PSME4: variants seen among roughly 807,000 people sequenced by gnomAD.
PSME4 encodes proteasome activator complex subunit 4.
A neutral mutation model predicts 253.9 loss-of-function variants in PSME4; 89 were observed. The observed-to-expected ratio is 0.35, with a 90% CI of 0.30 to 0.42. The LOEUF is 0.42. PSME4 is among the 10% of genes least tolerant of loss of function. The pLI, the probability that PSME4 is intolerant of heterozygous loss-of-function variation, is 1.00. For synonymous variants in PSME4, 851 were observed against 759.2 expected, an observed-to-expected ratio of 1.12 and a Z score of -1.99; for missense variants, 2,014 against 2,195.2, an observed-to-expected ratio of 0.92 and a Z score of 1.65.
In PSME4 at chr2:53,936,096, A is replaced by T; in HGVS notation, c.825T>A (p.Tyr275Ter). The change falls in exon 7 of 47, where the codon TAT (tyrosine) becomes TAA (stop). Residue 275 changes from tyrosine to a stop codon, truncating the protein, a stop_gained. Coordinates refer to ENST00000404125, the MANE Select transcript of PSME4 (RefSeq NM_014614.3). LOFTEE classifies it high-confidence loss of function. Reference sequence around the variant, plus strand: ...CCAAAATGTTAATTACCTTTGGTACATATGGATCCCAATCTATGTACCCTA... The same window carrying T: ...CCAAAATGTTAATTACCTTTGGTACTTATGGATCCCAATCTATGTACCCTA... The part of the protein sequence containing the change: ...DNIGYIDWDP[Y>*]VPKIFTRILR... 1.2e-6 allele frequency: 2 copies of T among 1,612,794 alleles called. No homozygotes were observed. Among genetic ancestry groups the T allele is most frequent in the Non-Finnish European group, 1.7e-6 (2 of 1,179,274 alleles).
intron 20 of PSME4, among the ~76,000 whole-genome samples, chr2:53,910,890 TC>T (rs1000236947): frequency 6.6e-6 from 1 of 152,108 alleles, no homozygotes; most frequent in Non-Finnish European, 1.5e-5. Context: ...CTTTTATTAA[TC>T]AAAGAGATAC....
chr2:53,905,989 G>A (rs972782349), intron 26 of PSME4, among the ~76,000 whole-genome samples: 6 of 152,218 alleles, frequency 3.9e-5, no homozygotes, highest in Non-Finnish European at 8.8e-5. Flanking sequence ...CATCATGTTG[G>A]TGCTCAAAAA....
At chr2:53,898,509 A>C (rs1680244068) in intron 29 of PSME4, among the ~76,000 whole-genome samples, 155 bp from the exon 30 acceptor site, 4 of 152,166 alleles carry the variant, frequency 2.6e-5, no homozygotes, top group Admixed American at 1.3e-4. Flanking sequence ...AGCCAGAATG[A>C]AAGTAGACAG....
Position 53,970,773 on chromosome 2 carries a change from G to T in PSME4, c.12C>A (p.Ala4=). The change falls in exon 1 of 47, where the codon GCC becomes GCA. Residue 4 remains alanine, a synonymous_variant. Coordinates refer to ENST00000404125, the MANE Select transcript of PSME4 (RefSeq NM_014614.3). Reference sequence around the variant, plus strand: ...GGGGCTCTCCGACTCCCGCCCGCTCGGCCGGCTCCATGAGCCCAGGGACAC... The same window carrying T: ...GGGGCTCTCCGACTCCCGCCCGCTCTGCCGGCTCCATGAGCCCAGGGACAC... MEP[A]ERAGVGEPPE... The T allele has an allele frequency of 1.3e-6, 2 of 1,541,486 alleles. No homozygotes were observed. The highest frequency in any genetic ancestry group is 2.0e-5 in the Admixed American group (1 of 50,380).
At chr2:53,932,796 C>T (rs1329899085) in intron 8 of PSME4, 36 bp from the exon 9 acceptor site, 13 of 1,516,894 alleles carry the variant, frequency 8.6e-6, no homozygotes, top group Non-Finnish European at 1.0e-5. Flanking sequence ...TCAGTACCCA[C>T]ATCATACTGT....
chr2:53,940,940 AATATATATATACATATATATATATATAT>A (rs1669383470), intron 3 of PSME4, among the ~76,000 whole-genome samples: 1 of 51,314 alleles, frequency 1.9e-5, no homozygotes, highest in African/African-American at 1.0e-4. Context: ...TACATATATA[AATATATATATACATATATATATATATAT>A]ATATATATAT....
chr2:53,911,619 T>C (rs906870965), intron 20 of PSME4, among the ~76,000 whole-genome samples: 1 of 151,154 alleles, frequency 6.6e-6, no homozygotes, highest in Non-Finnish European at 1.5e-5. Flanking sequence ...GCAGGGGAAG[T>C]GCTTGCTATG....
intron 4 of PSME4, among the ~76,000 whole-genome samples, chr2:53,939,326 C>T (rs915078234): frequency 1.3e-5 from 2 of 151,742 alleles, no homozygotes; most frequent in Admixed American, 6.6e-5. Flanking sequence ...GATAACAACA[C>T]AAAAAAAGTT....
In PSME4 at chr2:53,898,385, T is replaced by C. The variant is rs773622768; in HGVS notation, c.3423-31A>G. On this transcript the variant is annotated intron_variant, in intron 29 of 46. Coordinates refer to ENST00000404125, the MANE Select transcript of PSME4 (RefSeq NM_014614.3). ...AAAAAAAGGTGAGGTATTATTTTACTATAATACTAAAATGAACATCAAAAA... is the reference window on the plus strand; with the variant it reads ...AAAAAAAGGTGAGGTATTATTTTACCATAATACTAAAATGAACATCAAAAA... The C allele has an allele frequency of 2.7e-6, 4 of 1,464,172 alleles. No homozygotes were observed. In the South Asian group the frequency reaches 3.7e-5, roughly 14 times the overall value. The allele number at this position is 1,464,172 out of a possible 1,614,324, so 90.7% of individuals were successfully genotyped here.
At chr2:53,923,706 T>TG (rs1668428076) in intron 14 of PSME4, among the ~76,000 whole-genome samples, 1 of 152,036 alleles carries the variant, frequency 6.6e-6, no homozygotes, top group African/African-American at 2.4e-5. Flanking sequence ...GAGCATCACT[T>TG]GACATCAGGA....
At chr2:53,914,855 T>TG (rs1432751245) in intron 20 of PSME4, among the ~76,000 whole-genome samples, 1 of 152,194 alleles carries the variant, frequency 6.6e-6, no homozygotes, top group Non-Finnish European at 1.5e-5. Context: ...CACTCCAGCC[T>TG]GGGCAACGAG....
chr2:53,924,676 AG>A (rs1444129724), intron 14 of PSME4, among the ~76,000 whole-genome samples: 1 of 152,122 alleles, frequency 6.6e-6, no homozygotes, highest in African/African-American at 2.4e-5. Flanking sequence ...CACAACATGC[AG>A]GTTTGTTACA....
intron 31 of PSME4, 109 bp from the exon 32 acceptor site, chr2:53,896,994 T>A (rs532749437): frequency 2.5e-6 from 2 of 805,924 alleles, no homozygotes; most frequent in South Asian, 1.5e-5. Context: ...AAAAAACACC[T>A]CGCCTATCGA....
At chr2:53,932,956 T>G in intron 8 of PSME4, 196 bp from the exon 9 acceptor site, 1 of 524,724 alleles carries the variant, frequency 1.9e-6, no homozygotes. Flanking sequence ...AATATTCTAC[T>G]GCAAATAAGG....
intron 1 of PSME4, among the ~76,000 whole-genome samples, chr2:53,966,305 T>A (rs1333584918): frequency 6.6e-6 from 1 of 151,920 alleles, no homozygotes; most frequent in East Asian, 1.9e-4. Flanking sequence ...AAATAAAAAA[T>A]AAAACACTCC....
chr2:53,869,270 A>G, intron 44 of PSME4, 106 bp downstream of exon 44: 1 of 1,163,010 alleles, frequency 8.6e-7, no homozygotes, highest in South Asian at 2.3e-5. Flanking sequence ...AATACCTAGC[A>G]TAGACCTGGG....
intron 12 of PSME4, among the ~76,000 whole-genome samples, chr2:53,926,590 A>C (rs988461146): frequency 2.0e-5 from 3 of 152,174 alleles, no homozygotes; most frequent in Admixed American, 1.3e-4. Context: ...CTAAGGCACA[A>C]GAACCACTTG....
chr2:53,886,075 T>TAAA lies in PSME4; in HGVS notation c.4730-303_4730-301dup, dbSNP rs1258139990. Among the ~76,000 whole-genome samples, 3 of 152,228 alleles carry TAAA rather than the reference T, an allele frequency of 2.0e-5. No homozygotes were observed. In the East Asian group the frequency reaches 5.8e-4, roughly 29 times the overall value. On this transcript the variant is annotated intron_variant, in intron 40 of 46. Coordinates refer to ENST00000404125, the MANE Select transcript of PSME4 (RefSeq NM_014614.3). ...ATCTGATAAGGGATTGATATTAGAA[T>TAAA]AAATAAAGAACTAAAACTCAAAAAC...
intron 4 of PSME4, among the ~76,000 whole-genome samples, chr2:53,939,720 A>T (rs1669295709): frequency 6.6e-6 from 1 of 152,224 alleles, no homozygotes; most frequent in Admixed American, 6.5e-5. Flanking sequence ...AATAAAGATG[A>T]TTTTATGTAA....
Sources: allele counts gnomAD v4.1 joint callset (sites outside exome capture counted in the v4.1 genomes callset), GRCh38; gene constraint gnomAD v4.1.1; transcripts MANE v1.5; gene names NCBI Gene and HGNC (gene_info 2026-07-23, HGNC 2026-07-21).